KCNH7: variants seen among roughly 807,000 people sequenced by gnomAD.
The protein encoded by KCNH7 is voltage-gated inwardly rectifying potassium channel KCNH7.
In KCNH7, 49 loss-of-function variants were observed where a neutral mutation model predicts 120.8. The observed-to-expected ratio is 0.41, with a 90% confidence interval of 0.32 to 0.51. The LOEUF (loss-of-function observed/expected upper bound fraction) is 0.51, where lower values mean the gene tolerates loss of function less well. KCNH7 is among the 20% of genes least tolerant of loss of function. KCNH7 has a pLI of 0.38. For missense variants in KCNH7, 1,097 were observed against 1,446.6 expected (o/e 0.76, Z 3.92); for synonymous variants, 547 against 516.1 (o/e 1.06, Z -0.81).
chr2:162,376,654 G>A (rs1350257410), intron 14 of KCNH7, among the ~76,000 whole-genome samples: 4 of 152,068 alleles, frequency 2.6e-5, no homozygotes, highest in Admixed American at 1.3e-4. Flanking sequence ...GAGCCACCGC[G>A]CCTGGCCAAG....
intron 9 of KCNH7, among the ~76,000 whole-genome samples, chr2:162,403,004 A>T (rs1687108731): frequency 6.6e-6 from 1 of 151,968 alleles, no homozygotes; most frequent in African/African-American, 2.4e-5. Flanking sequence ...AACTTCTCTG[A>T]AAATCAGTTT....
intron 8 of KCNH7, among the ~76,000 whole-genome samples, chr2:162,429,123 C>T (rs1687971257): frequency 6.6e-6 from 1 of 151,618 alleles, no homozygotes; most frequent in South Asian, 2.1e-4. Flanking sequence ...TTCCTGTTGG[C>T]TTGTTAGCTA....
intron 2 of KCNH7, among the ~76,000 whole-genome samples, chr2:162,811,183 G>T (rs1171116327): frequency 6.6e-6 from 1 of 151,962 alleles, no homozygotes; most frequent in Non-Finnish European, 1.5e-5. Flanking sequence ...GGAACCCGAA[G>T]GCGTGCATAC....
At chr2:162,662,425 A>C (rs987218189) in intron 2 of KCNH7, among the ~76,000 whole-genome samples, 1 of 152,226 alleles carries the variant, frequency 6.6e-6, no homozygotes, top group African/African-American at 2.4e-5. Context: ...TCTATTTTCA[A>C]ATAAGCTTGT....
Position 162,441,999 on chromosome 2 carries a change from C to CTTTTTTTTTTTTTTTTTTTTTTTTT in KCNH7, c.1554+3994_1554+4018dup, listed in dbSNP as rs779418084. Among the ~76,000 whole-genome samples the CTTTTTTTTTTTTTTTTTTTTTTTTT allele has an allele frequency of 1.9e-4, 8 of 41,576 alleles. 3 individuals carry two copies. Among genetic ancestry groups the CTTTTTTTTTTTTTTTTTTTTTTTTT allele is most frequent in the Non-Finnish European group, 4.1e-4 (8 of 19,654 alleles). The allele number at this position is 41,576 out of a possible 152,430, so 27.3% of individuals were successfully genotyped here. On this transcript the variant is annotated intron_variant, in intron 7 of 15. Coordinates refer to ENST00000332142, the MANE Select transcript of KCNH7 (RefSeq NM_033272.4). The stretch of plus-strand genomic sequence containing the variant: ...GAAAAAAATTAAATAGTTAGGTCTT[C>CTTTTTTTTTTTTTTTTTTTTTTTTT]TTTTTTTTTTTTTTTTTTTTTTTTT...
intron 9 of KCNH7, among the ~76,000 whole-genome samples, chr2:162,421,226 T>C (rs1687700034): frequency 6.6e-6 from 1 of 152,068 alleles, no homozygotes; most frequent in Non-Finnish European, 1.5e-5. Flanking sequence ...GGCATGCAGA[T>C]GAGAGGAAAG....
chr2:162,781,071 CTA>C (rs1178745246), intron 2 of KCNH7, among the ~76,000 whole-genome samples: 1 of 151,972 alleles, frequency 6.6e-6, no homozygotes, highest in East Asian at 1.9e-4. Flanking sequence ...TAAAGATACT[CTA>C]TTTTAATTTT....
chr2:162,372,009 T>C lies in KCNH7; in HGVS notation c.3411A>G (p.Glu1137=). The change falls in exon 16 of 16, where the codon GAA becomes GAG. Residue 1137 remains glutamate, a synonymous_variant. Coordinates refer to ENST00000332142, the MANE Select transcript of KCNH7 (RefSeq NM_033272.4). ...SSGVHLNTAS[E]DNLTSLLKQD... ...GTTTTAAAAGTGAAGTCAAGTTGTCTTCTGAAGCTGTGTTCAGATGCACCC... is the reference window on the plus strand; with the variant it reads ...GTTTTAAAAGTGAAGTCAAGTTGTCCTCTGAAGCTGTGTTCAGATGCACCC... 1 of 1,613,628 alleles carries C rather than the reference T, an allele frequency of 6.2e-7. No individual in the cohort carries two copies. Among genetic ancestry groups the C allele is most frequent in the South Asian group, 1.1e-5 (1 of 91,062 alleles).
chr2:162,396,953 A>C lies in KCNH7; in HGVS notation c.2408-8T>G. 1 of 1,579,246 alleles carries C rather than the reference A, an allele frequency of 6.3e-7. No homozygotes were observed. The highest frequency in any genetic ancestry group is 8.7e-7 in the Non-Finnish European group (1 of 1,152,124). ...CAAATATATCATTTTTTCCTAAGAAAATATAAAGAAAAAGAGGCGGGGAAA... is the reference window on the plus strand; with the variant it reads ...CAAATATATCATTTTTTCCTAAGAACATATAAAGAAAAAGAGGCGGGGAAA... On this transcript the variant is annotated splice_polypyrimidine_tract_variant and splice_region_variant and intron_variant, in intron 10 of 15. Coordinates refer to ENST00000332142, the MANE Select transcript of KCNH7 (RefSeq NM_033272.4).
chr2:162,467,439 C>T (rs975903238), intron 6 of KCNH7, among the ~76,000 whole-genome samples: 3 of 152,084 alleles, frequency 2.0e-5, no homozygotes, highest in African/African-American at 7.2e-5. Flanking sequence ...TTTATTAGTT[C>T]TCTGAGGGCT....
chr2:162,718,343 G>A (rs1230692255), intron 2 of KCNH7, among the ~76,000 whole-genome samples: 2 of 151,934 alleles, frequency 1.3e-5, no homozygotes, highest in Non-Finnish European at 2.9e-5. Context: ...GACCATCATT[G>A]TCTAAACATG....
chr2:162,390,598 A>G (rs1686716499), intron 12 of KCNH7, among the ~76,000 whole-genome samples: 1 of 151,938 alleles, frequency 6.6e-6, no homozygotes, highest in Non-Finnish European at 1.5e-5. Flanking sequence ...TTCTGTAATA[A>G]TATTTTACTT....
intron 9 of KCNH7, among the ~76,000 whole-genome samples, chr2:162,408,488 A>G (rs1487213401): frequency 6.6e-6 from 1 of 151,996 alleles, no homozygotes; most frequent in African/African-American, 2.4e-5. Flanking sequence ...ATGTATCTAC[A>G]TACATTTTTG....
chr2:162,461,017 G>A (rs1689129381), intron 6 of KCNH7, among the ~76,000 whole-genome samples: 1 of 152,134 alleles, frequency 6.6e-6, no homozygotes, highest in Non-Finnish European at 1.5e-5. Context: ...TTTTAATAAA[G>A]TCCTCATCAC....
intron 2 of KCNH7, among the ~76,000 whole-genome samples, chr2:162,702,327 T>C (rs949250258): frequency 2.6e-5 from 4 of 152,190 alleles, no homozygotes; most frequent in Non-Finnish European, 5.9e-5. Flanking sequence ...TATTACACCA[T>C]ATTATGCACA....
intron 2 of KCNH7, among the ~76,000 whole-genome samples, chr2:162,701,937 G>A (rs899991200): frequency 1.3e-5 from 2 of 151,896 alleles, no homozygotes; most frequent in African/African-American, 4.8e-5. Flanking sequence ...AACTTGGGAG[G>A]CGGAGGTTGC....
chr2:162,503,475 A>C (rs535933064), intron 6 of KCNH7, among the ~76,000 whole-genome samples: 6 of 152,144 alleles, frequency 3.9e-5, no homozygotes, highest in Middle Eastern at 6.8e-3. Flanking sequence ...GGCGTGTATA[A>C]TTTCTCATCT....
At chr2:162,654,492 GATA>G (rs1174653735) in intron 2 of KCNH7, among the ~76,000 whole-genome samples, 1 of 151,872 alleles carries the variant, frequency 6.6e-6, no homozygotes, top group Non-Finnish European at 1.5e-5. Flanking sequence ...AAAGATGAAA[GATA>G]ATAAGTGTTG....
intron 5 of KCNH7, among the ~76,000 whole-genome samples, chr2:162,508,299 A>G (rs895262537): frequency 1.3e-5 from 2 of 149,228 alleles, no homozygotes; most frequent in African/African-American, 4.9e-5. Context: ...AGGTAGAAAA[A>G]CCTTCTAAAC....
Sources: gnomAD v4.1 joint callset for allele counts (sites outside exome capture counted in the v4.1 genomes callset) on GRCh38, gnomAD v4.1.1 for gene constraint, MANE v1.5 for transcripts, NCBI Gene and HGNC (gene_info 2026-07-23, HGNC 2026-07-21) for gene names.